COL10A1: variants seen among roughly 807,000 people sequenced by gnomAD.
COL10A1 encodes collagen alpha-1(X) chain.
COL10A1 carries 10 observed loss-of-function variants against 18.2 expected under a neutral mutation model. That is an observed-to-expected ratio of 0.55 (90% confidence interval 0.34 to 0.93). The LOEUF (loss-of-function observed/expected upper bound fraction) is 0.93. Among genes scored for constraint, COL10A1 ranks in the 40% least tolerant of loss-of-function variants. The pLI is 0.02. For missense variants in COL10A1, 897 were observed against 853.5 expected, an observed-to-expected ratio of 1.05 and a Z score of -0.64; for synonymous variants, 330 against 316.6, an observed-to-expected ratio of 1.04 and a Z score of -0.45.
chr6:116,200,896 C>T, the COL10A1 span, among the ~76,000 whole-genome samples: 1 of 151,996 alleles, frequency 6.6e-6, no homozygotes, highest in Admixed American at 6.6e-5. Flanking sequence ...TCTTCCCCCA[C>T]CCACTCAGAA....
rs368100286 is a variant in COL10A1, at chr6:116,120,790, T to C, written c.1326A>G (p.Arg442=). The C allele has an allele frequency of 1.2e-6, 2 of 1,613,562 alleles. No homozygotes were observed. Among genetic ancestry groups the C allele is most frequent in the Non-Finnish European group, 1.7e-6 (2 of 1,179,862 alleles). Residue 442 remains arginine (R), a synonymous_variant, in exon 3 of 3, where the codon AGA becomes AGG. Coordinates refer to ENST00000651968, the MANE Select transcript of COL10A1 (RefSeq NM_000493.4). ...TAGTACCTGGTATTCCAGGGGCACC[T>C]CTTGGGCCAGCCTCTCCATTGTGTC... ...MPGHNGEAGP[R]GAPGIPGTRG...
At chr6:116,153,077 C>T (rs62414131) in intron 1 of COL10A1, among the ~76,000 whole-genome samples, 2,293 of 151,862 alleles carry the variant, frequency 0.015, 14 homozygotes, top group Non-Finnish European at 0.025. Context: ...TAATATATAA[C>T]ATTTAATAAA....
At chr6:116,146,995 T>C (rs1391397857) in intron 1 of COL10A1, among the ~76,000 whole-genome samples, 2 of 90,012 alleles carry the variant, frequency 2.2e-5, no homozygotes, top group African/African-American at 1.8e-4. Context: ...TATAAAATAA[T>C]ATAAAATATA....
chr6:116,190,406 CAG>C, the COL10A1 span, among the ~76,000 whole-genome samples: 4 of 151,680 alleles, frequency 2.6e-5, no homozygotes, highest in Admixed American at 1.3e-4. Context: ...GACTTAGAAA[CAG>C]AGGGGAAATG....
chr6:116,206,739 A>T, the COL10A1 span, among the ~76,000 whole-genome samples: 14 of 152,020 alleles, frequency 9.2e-5, no homozygotes, highest in African/African-American at 3.4e-4. Context: ...TTTTAAATGG[A>T]TTTTATATCT....
intron 2 of COL10A1, among the ~76,000 whole-genome samples, chr6:116,123,338 A>G (rs1779192347): frequency 6.6e-6 from 1 of 152,216 alleles, no homozygotes; most frequent in Non-Finnish European, 1.5e-5. Flanking sequence ...TTTGGCTTCT[A>G]TTGAATGCTT....
the COL10A1 span, among the ~76,000 whole-genome samples, chr6:116,170,940 A>G: frequency 6.6e-6 from 1 of 152,166 alleles, no homozygotes; most frequent in Non-Finnish European, 1.5e-5. Context: ...TAGCCTGTCA[A>G]ACCTCATTCT....
chr6:116,211,653 C>T, the COL10A1 span, among the ~76,000 whole-genome samples: 2 of 152,068 alleles, frequency 1.3e-5, no homozygotes, highest in East Asian at 1.9e-4. Flanking sequence ...ATAGAGTCCA[C>T]GAAGTATATT....
intron 1 of COL10A1, among the ~76,000 whole-genome samples, chr6:116,151,089 C>T (rs1780025322): frequency 1.3e-5 from 2 of 151,936 alleles, no homozygotes; most frequent in South Asian, 2.1e-4. Flanking sequence ...TGAATTTGCT[C>T]AGGGATTAGA....
chr6:116,178,598 C>G, the COL10A1 span, among the ~76,000 whole-genome samples: 1 of 152,174 alleles, frequency 6.6e-6, no homozygotes, highest in South Asian at 2.1e-4. Flanking sequence ...GTGTTCCCAC[C>G]TTTTACTCTG....
the COL10A1 span, among the ~76,000 whole-genome samples, chr6:116,202,786 T>G: frequency 6.6e-6 from 1 of 152,012 alleles, no homozygotes; most frequent in Admixed American, 6.6e-5. Context: ...TTATTATTGT[T>G]AACTTGAGCA....
At chr6:116,180,594 C>T in the COL10A1 span, among the ~76,000 whole-genome samples, 1 of 151,990 alleles carries the variant, frequency 6.6e-6, no homozygotes, top group South Asian at 2.1e-4. Context: ...TGATGTGATG[C>T]AATAAGAAAT....
chr6:116,189,868 A>G, the COL10A1 span, among the ~76,000 whole-genome samples: 2 of 152,172 alleles, frequency 1.3e-5, 1 homozygote, highest in Non-Finnish European at 2.9e-5. Flanking sequence ...GGGGAAGCAC[A>G]TAATTCTCTT....
chr6:116,163,687 A>G (rs750703681), upstream of COL10A1, among the ~76,000 whole-genome samples: 6 of 151,844 alleles, frequency 4.0e-5, no homozygotes, highest in African/African-American at 7.3e-5. Context: ...TTGTTTTTCT[A>G]GTTTGTTAGG....
upstream of COL10A1, among the ~76,000 whole-genome samples, chr6:116,162,249 C>T (rs1006805773): frequency 3.9e-5 from 6 of 152,210 alleles, no homozygotes; most frequent in East Asian, 1.9e-4. Flanking sequence ...TCCACTTTTC[C>T]GATTTGGATG....
At chr6:116,126,828 A>G (rs190840685), upstream of COL10A1, among the ~76,000 whole-genome samples, 1 of 152,170 alleles carries the variant, frequency 6.6e-6, no homozygotes, top group East Asian at 1.9e-4. Flanking sequence ...GGAGAAAAAA[A>G]TTTTCAAACT....
rs768980930 is a variant in COL10A1 at position 116,125,390 on chromosome 6, G to C, written c.103C>G (p.Leu35Val). ...AAGAACTGTGTCTTGGTGTTGGGTA[G>C]TGGGCCTTTTATGCCTGTGGGCATT... Reference protein sequence around the residue: ...YQMPTGIKGPLPNTKTQFFIP... With the variant: ...YQMPTGIKGPVPNTKTQFFIP... The change falls in exon 2 of 3, where the codon CTA becomes GTA. Residue 35 changes from leucine to valine, a missense_variant. By Grantham distance (32) the Leu-to-Val change is conservative. Transcript: ENST00000651968. 2 of 1,613,736 alleles carry C rather than the reference G, an allele frequency of 1.2e-6. No homozygotes were observed. Among genetic ancestry groups the C allele is most frequent in the African/African-American group, 2.7e-5 (2 of 74,878 alleles).
upstream of COL10A1, among the ~76,000 whole-genome samples, chr6:116,162,041 G>A (rs564603197): frequency 5.3e-5 from 8 of 152,038 alleles, no homozygotes; most frequent in East Asian, 5.8e-4. Context: ...TATGGCTATT[G>A]TAAATGAGAT....
chr6:116,151,228 C>A (rs1780029344), intron 1 of COL10A1, among the ~76,000 whole-genome samples: 1 of 152,186 alleles, frequency 6.6e-6, no homozygotes. Context: ...ATCTTCCAAA[C>A]CCCCACATTT....
Sources: gnomAD v4.1 joint callset for allele counts (sites outside exome capture counted in the v4.1 genomes callset) on GRCh38, gnomAD v4.1.1 for gene constraint, MANE v1.5 for transcripts, NCBI Gene and HGNC (gene_info 2026-07-23, HGNC 2026-07-21) for gene names.